Variants in SUFU observed in about 807,000 individuals in gnomAD.
SUFU encodes the protein suppressor of fused homolog.
A neutral mutation model predicts 58.9 loss-of-function variants in SUFU; 7 were observed. The ratio of observed to expected loss-of-function variants is 0.12; its 90% CI spans 0.07 to 0.22. The LOEUF is 0.22. Among genes scored for constraint, SUFU ranks in the 10% least tolerant of loss-of-function variants. The pLI, the probability that SUFU is intolerant of heterozygous loss-of-function variation, is 1.00. For missense variants in SUFU, 451 were observed against 641.3 expected (o/e 0.70, Z 3.20); for synonymous variants, 232 against 254.8 (o/e 0.91, Z 0.85).
intron 2 of SUFU, among the ~76,000 whole-genome samples, chr10:102,519,200 C>T (rs1198987548): frequency 2.0e-5 from 3 of 149,424 alleles, no homozygotes; most frequent in Admixed American, 1.3e-4. Context: ...AATGGGACAG[C>T]AGGTGACAGG....
At position 102,504,097 on chromosome 10, in the gene SUFU, G is replaced by T. The variant is rs2062286660; in HGVS notation, c.-56G>T. On this transcript the variant is annotated 5_prime_UTR_variant, in exon 1 of 12. Transcript: ENST00000369902. Reference sequence around the variant, plus strand: ...CGAGTCCGCCCGCTGGCCCGTCAGTGCTCTCCCCGTCGTTTGCCCTCTCCA... The same window carrying T: ...CGAGTCCGCCCGCTGGCCCGTCAGTTCTCTCCCCGTCGTTTGCCCTCTCCA... 5.3e-6 allele frequency: 8 copies of T among 1,507,426 alleles called. No homozygotes were observed. The highest frequency in any genetic ancestry group is 2.5e-5 in the East Asian group (1 of 40,456). The allele number at this position is 1,507,426 out of a possible 1,614,324, so 93.4% of individuals were successfully genotyped here.
In SUFU at chr10:102,629,758, T is replaced by C. The variant is rs1480678815; in HGVS notation, c.1366-308T>C. On this transcript the variant is annotated intron_variant, in intron 11 of 11. Coordinates refer to ENST00000369902, the MANE Select transcript of SUFU (RefSeq NM_016169.4). This position sits in a 1 kb window ranked among gnomAD's most constrained non-coding sequence, Gnocchi z 4.7. ...GGCCTCAGGGAGCAGATTCTTTACA[T>C]GCCTGTGGCCAGAGGCAGAACCAAG... Among the ~76,000 whole-genome samples, 1 of 152,138 alleles carries C rather than the reference T, an allele frequency of 6.6e-6. No individual in the cohort carries two copies. The highest frequency in any genetic ancestry group is 1.5e-5 in the Non-Finnish European group (1 of 68,018).
intron 8 of SUFU, among the ~76,000 whole-genome samples, chr10:102,610,863 C>T (rs1484427568): frequency 2.0e-5 from 3 of 152,276 alleles, no homozygotes; most frequent in East Asian, 1.9e-4. Flanking sequence ...TGGGGGAGAA[C>T]GGGTCCCAGG....
rs546792386 is a variant in SUFU, at chr10:102,531,489, CG to C, written c.318-18479del. Reference sequence around the variant, plus strand: ...TTGAGCTGATGCCCATTCCTTTGTTCGGCTGCTTTCACTGAGCACTCCTGTG... The same window carrying C: ...TTGAGCTGATGCCCATTCCTTTGTTCGCTGCTTTCACTGAGCACTCCTGTG... On this transcript the variant is annotated intron_variant, in intron 2 of 11. Coordinates refer to ENST00000369902, the MANE Select transcript of SUFU (RefSeq NM_016169.4). Among the ~76,000 whole-genome samples the C allele has an allele frequency of 2.5e-4, 38 of 152,178 alleles. 1 individual carries two copies. The South Asian group carries it at 7.5e-3, about 30-fold the overall frequency.
In SUFU at chr10:102,630,277, GT is replaced by G; in HGVS notation, c.*123del. On this transcript the variant is annotated 3_prime_UTR_variant, in exon 12 of 12. Coordinates refer to ENST00000369902, the MANE Select transcript of SUFU (RefSeq NM_016169.4). ...GGACAAGTGTGAGGAAGACTGCGCA[GT>G]GCCACCCCGCAGCCCAGTGGGGTGC... 1.1e-6 allele frequency: 1 copy of G among 893,028 alleles called. No homozygotes were observed. Among genetic ancestry groups the G allele is most frequent in the South Asian group, 1.4e-5 (1 of 72,462 alleles). The allele number at this position is 893,028 out of a possible 1,614,324, so 55.3% of individuals were successfully genotyped here. A position where few individuals can be genotyped will look rare whatever the true frequency, so the allele number is the denominator to read the frequency against.
intron 2 of SUFU, among the ~76,000 whole-genome samples, chr10:102,527,807 TCTGGGATGG>T (rs2062628987): frequency 6.6e-6 from 1 of 152,182 alleles, no homozygotes; most frequent in Non-Finnish European, 1.5e-5. Flanking sequence ...TTCTTGATCT[TCTGGGATGG>T]CTGGCTTCCC....
chr10:102,584,990 G>A (rs1156895062), intron 3 of SUFU, among the ~76,000 whole-genome samples: 3 of 152,388 alleles, frequency 2.0e-5, no homozygotes, highest in East Asian at 1.9e-4. Flanking sequence ...GTGCTGTGAT[G>A]TCTCAGCATT....
rs554335472 is a variant in SUFU, at chr10:102,631,912, G to A, written c.*1757G>A. 28 of 233,294 alleles carry A rather than the reference G, an allele frequency of 1.2e-4. No homozygotes were observed. Among genetic ancestry groups the A allele is most frequent in the African/African-American group, 5.3e-4 (24 of 45,446 alleles). The allele number at this position is 233,294 out of a possible 1,614,324, so 14.5% of individuals were successfully genotyped here. On this transcript the variant is annotated 3_prime_UTR_variant, in exon 12 of 12. Transcript: ENST00000369902. ...TGCAAGCCACTCGGGACCTGATGTCGGCAGCTGTGCCTCTACTGCCCTGAG... is the reference window on the plus strand; with the variant it reads ...TGCAAGCCACTCGGGACCTGATGTCAGCAGCTGTGCCTCTACTGCCCTGAG...
At chr10:102,578,327 C>A (rs2063236025) in intron 3 of SUFU, among the ~76,000 whole-genome samples, 1 of 151,650 alleles carries the variant, frequency 6.6e-6, no homozygotes, top group Non-Finnish European at 1.5e-5. Flanking sequence ...CCTGTAATTC[C>A]AGAACTTTGG....
chr10:102,616,474 A>T (rs1036836604), intron 9 of SUFU, among the ~76,000 whole-genome samples: 1 of 152,246 alleles, frequency 6.6e-6, no homozygotes, highest in African/African-American at 2.4e-5. Context: ...CAGAATGAAC[A>T]GGACCTGGAG....
At chr10:102,518,199 A>G (rs1038531480) in intron 2 of SUFU, among the ~76,000 whole-genome samples, 4 of 152,202 alleles carry the variant, frequency 2.6e-5, no homozygotes, top group Non-Finnish European at 4.4e-5. Flanking sequence ...GAACAACTCT[A>G]TGGTGTAGGA....
chr10:102,616,350 G>A (rs926586824), intron 9 of SUFU, among the ~76,000 whole-genome samples: 7 of 152,228 alleles, frequency 4.6e-5, no homozygotes, highest in African/African-American at 1.7e-4. Flanking sequence ...CAGTGACAGG[G>A]AAGAAGAACT....
chr10:102,543,241 A>AGT (rs994191528), intron 2 of SUFU, among the ~76,000 whole-genome samples: 2 of 152,042 alleles, frequency 1.3e-5, no homozygotes, highest in African/African-American at 4.8e-5. Context: ...ATACTTACTA[A>AGT]TTTTTGCCAA....
At chr10:102,611,460 G>A (rs955470637) in intron 8 of SUFU, among the ~76,000 whole-genome samples, 1 of 152,190 alleles carries the variant, frequency 6.6e-6, no homozygotes. Context: ...TCCACTCAAG[G>A]AGTCAGGAGC....
intron 10 of SUFU, among the ~76,000 whole-genome samples, chr10:102,620,189 C>A (rs1007844776): frequency 1.3e-5 from 2 of 152,340 alleles, no homozygotes; most frequent in African/African-American, 4.8e-5. Flanking sequence ...GTTACAGCAG[C>A]CTTGGAAGCC....
chr10:102,592,704 G>A lies in SUFU; in HGVS notation c.577G>A (p.Gly193Arg). The change falls in exon 4 of 12, where the codon GGG becomes AGG. Residue 193 changes from glycine to arginine, a missense_variant. Gly to Arg is a moderately radical substitution (Grantham distance 125). Transcript: ENST00000369902. ...PQMQPVQTPF[G>R]VVTFLQIVGV... ...GATGCAGCCCGTGCAGACACCCTTTGGGGTAGTTACCTTCCTCCAGGTGAG... is the reference window on the plus strand; with the variant it reads ...GATGCAGCCCGTGCAGACACCCTTTAGGGTAGTTACCTTCCTCCAGGTGAG... 6.2e-7 allele frequency: 1 copy of A among 1,614,142 alleles called. No homozygotes were observed. Among genetic ancestry groups the A allele is most frequent in the Non-Finnish European group, 8.5e-7 (1 of 1,180,044 alleles).
intron 2 of SUFU, among the ~76,000 whole-genome samples, chr10:102,518,519 GTCTA>G (rs376596356): frequency 6.2e-4 from 91 of 147,228 alleles, no homozygotes; most frequent in African/African-American, 2.0e-3. Flanking sequence ...CTGTCTGTCT[GTCTA>G]TCTATCTATC....
chr10:102,596,874 T>C (rs1371770198), intron 6 of SUFU, among the ~76,000 whole-genome samples: 1 of 152,048 alleles, frequency 6.6e-6, no homozygotes. Flanking sequence ...AGGCTGATGG[T>C]AGAAGAGATG....
At chr10:102,586,098 T>C (rs563005594) in intron 3 of SUFU, among the ~76,000 whole-genome samples, 4 of 151,992 alleles carry the variant, frequency 2.6e-5, no homozygotes, top group African/African-American at 9.6e-5. Context: ...TTGGCCAGGC[T>C]GGTCTTGAAC....
Sources: gnomAD v4.1 joint callset for allele counts (sites outside exome capture counted in the v4.1 genomes callset) on GRCh38, gnomAD v4.1.1 for gene constraint, Gnocchi (gnomAD v3.1) non-coding constraint, MANE v1.5 for transcripts, NCBI Gene and HGNC (gene_info 2026-07-23, HGNC 2026-07-21) for gene names.